The following PTPRJ variants were observed in gnomAD, a reference collection of about 807,000 sequenced individuals.
PTPRJ encodes receptor-type tyrosine-protein phosphatase eta.
Under a neutral mutation model 141.3 loss-of-function variants are expected in PTPRJ, and 129 were observed. That is an observed-to-expected ratio of 0.91 (90% CI 0.79 to 1.06). The LOEUF (loss-of-function observed/expected upper bound fraction) is 1.06, where lower values mean the gene tolerates loss of function less well. PTPRJ is among the 50% of genes least tolerant of loss of function. The probability of loss-of-function intolerance (pLI) is 0.00; values close to 1 mark genes in which losing one functional copy is unlikely to be tolerated. For missense variants in PTPRJ, 1,601 were observed against 1,679.7 expected, an observed-to-expected ratio of 0.95 and a Z score of 0.82; for synonymous variants, 610 against 640.5, an observed-to-expected ratio of 0.95 and a Z score of 0.72.
chr11:48,165,495 T>G (rs891473657), intron 24 of PTPRJ, among the ~76,000 whole-genome samples: 3 of 152,240 alleles, frequency 2.0e-5, no homozygotes, highest in African/African-American at 7.2e-5. Context: ...GGGTGAATGT[T>G]CCTTGACCAG....
At chr11:48,064,929 C>G (rs774044736) in intron 1 of PTPRJ, among the ~76,000 whole-genome samples, 1 of 150,014 alleles carries the variant, frequency 6.7e-6, no homozygotes, top group Non-Finnish European at 1.5e-5. Context: ...CTCTGAGCTG[C>G]AAATTTAATA....
chr11:48,146,314 C>T (rs1167240886), intron 14 of PTPRJ, among the ~76,000 whole-genome samples: 1 of 152,188 alleles, frequency 6.6e-6, no homozygotes, highest in Non-Finnish European at 1.5e-5. Flanking sequence ...AGGGGTGCAT[C>T]CCCTACCTTC....
intron 1 of PTPRJ, among the ~76,000 whole-genome samples, chr11:48,035,999 G>T (rs1405565373): frequency 6.6e-6 from 1 of 152,214 alleles, no homozygotes; most frequent in African/African-American, 2.4e-5. Context: ...ATAGGACAGT[G>T]GGAGAAGGGG....
chr11:48,153,406 C>T (rs539386086), intron 18 of PTPRJ, among the ~76,000 whole-genome samples: 119 of 139,238 alleles, frequency 8.5e-4, no homozygotes, highest in African/African-American at 3.0e-3. Flanking sequence ...TGGTGGTGGG[C>T]GTCTGTAGTC....
intron 1 of PTPRJ, among the ~76,000 whole-genome samples, chr11:48,052,479 G>A (rs976958471): frequency 1.3e-5 from 2 of 152,202 alleles, no homozygotes. Flanking sequence ...CCAGCCTTGG[G>A]TTAGTGCCAG....
At chr11:48,002,118 G>A (rs969479902) in intron 1 of PTPRJ, among the ~76,000 whole-genome samples, 1 of 150,330 alleles carries the variant, frequency 6.7e-6, no homozygotes, top group Non-Finnish European at 1.5e-5. Context: ...GGGCAAATGA[G>A]TGCATTTTCC....
chr11:48,060,433 G>C (rs1168997221), intron 1 of PTPRJ, among the ~76,000 whole-genome samples: 4 of 151,090 alleles, frequency 2.6e-5, no homozygotes, highest in African/African-American at 9.7e-5. Context: ...TTTTTCTAAA[G>C]ATCCAAACTC....
intron 1 of PTPRJ, among the ~76,000 whole-genome samples, chr11:47,985,941 T>C (rs1249338452): frequency 2.6e-5 from 4 of 152,106 alleles, no homozygotes; most frequent in African/African-American, 9.7e-5. Context: ...CCTCAGGTGA[T>C]CCGCCCACCT....
intron 1 of PTPRJ, among the ~76,000 whole-genome samples, chr11:48,040,612 CTTTT>C (rs398055231): frequency 7.4e-6 from 1 of 135,404 alleles, no homozygotes; most frequent in Non-Finnish European, 1.6e-5. Flanking sequence ...TCTTCTTCTT[CTTTT>C]TTTTTTTTTT....
intron 1 of PTPRJ, among the ~76,000 whole-genome samples, chr11:48,027,297 G>A (rs1010424797): frequency 1.3e-5 from 2 of 151,212 alleles, no homozygotes; most frequent in South Asian, 2.1e-4. Context: ...ATGAGCCACC[G>A]CGCCCGGCCC....
intron 1 of PTPRJ, among the ~76,000 whole-genome samples, chr11:48,087,588 G>T (rs1855749533): frequency 6.6e-6 from 1 of 152,178 alleles, no homozygotes; most frequent in African/African-American, 2.4e-5. Flanking sequence ...AGAACTTCAG[G>T]CTCAGAGAAG....
intron 22 of PTPRJ, among the ~76,000 whole-genome samples, chr11:48,161,148 T>C (rs1375274497): frequency 1.8e-5 from 2 of 111,532 alleles, no homozygotes; most frequent in African/African-American, 7.0e-5. Context: ...ACTGCTGCAC[T>C]CTAGCCTGGG....
intron 10 of PTPRJ, among the ~76,000 whole-genome samples, chr11:48,138,397 G>C (rs1857153336): frequency 6.6e-6 from 1 of 152,232 alleles, no homozygotes; most frequent in African/African-American, 2.4e-5. Flanking sequence ...TGGAACAGGA[G>C]CTGTAAAAGT....
chr11:48,139,359 C>A, intron 10 of PTPRJ, 127 bp from the exon 11 acceptor site: 1 of 987,380 alleles, frequency 1.0e-6, no homozygotes, highest in Non-Finnish European at 1.5e-6. Flanking sequence ...AATTTAGGGT[C>A]AGCCCCTGCC....
chr11:48,160,778 T>C (rs1857750506), intron 22 of PTPRJ, among the ~76,000 whole-genome samples: 2 of 152,162 alleles, frequency 1.3e-5, no homozygotes, highest in Admixed American at 6.5e-5. Context: ...TTATTTATAA[T>C]AGAGGAAAAC....
At chr11:48,057,955 A>G (rs1312684316) in intron 1 of PTPRJ, among the ~76,000 whole-genome samples, 1 of 149,806 alleles carries the variant, frequency 6.7e-6, no homozygotes, top group Non-Finnish European at 1.5e-5. Context: ...TCTGTCACCC[A>G]GGCTGGAGTG....
At chr11:48,036,891 A>G (rs182742328) in intron 1 of PTPRJ, among the ~76,000 whole-genome samples, 59 of 152,230 alleles carry the variant, frequency 3.9e-4, no homozygotes, top group African/African-American at 1.4e-3. Context: ...TTTGCTCCAG[A>G]ATTGTATTTC....
At position 48,169,661 on chromosome 11, in the gene PTPRJ, A is replaced by G. The variant is rs1858009066; in HGVS notation, c.*2299A>G. On this transcript the variant is annotated 3_prime_UTR_variant, in exon 25 of 25. Transcript: ENST00000418331. ...CCTGCTCTGCCCACATCACTGCCACAGAGAAGTCAGAGGAAGGGACTTGTT... is the reference window on the plus strand; with the variant it reads ...CCTGCTCTGCCCACATCACTGCCACGGAGAAGTCAGAGGAAGGGACTTGTT... 1 of 152,284 alleles carries G rather than the reference A, an allele frequency of 6.6e-6. No individual in the cohort carries two copies. The highest frequency in any genetic ancestry group is 2.4e-5 in the African/African-American group (1 of 41,468). 9.4% of individuals were successfully genotyped at this position (152,284 alleles called of 1,614,324 possible). A position where few individuals can be genotyped will look rare whatever the true frequency, so the allele number is the denominator to read the frequency against.
In PTPRJ at chr11:48,020,343, T is replaced by C. The variant is rs557064211; in HGVS notation, c.96+39335T>C. On this transcript the variant is annotated intron_variant, in intron 1 of 24. Transcript: ENST00000418331. ...GAGTCAGTTATCTCAGCTGGTGTTA[T>C]GAAATACGGAAATTTTTGGCGTTGG... 4.6e-4 allele frequency among the ~76,000 whole-genome samples: 70 copies of C among 152,326 alleles called. 1 individual carries two copies. The South Asian group carries it at 0.014, about 30-fold the overall frequency.
Sources: allele counts gnomAD v4.1 joint callset (sites outside exome capture counted in the v4.1 genomes callset), GRCh38; gene constraint gnomAD v4.1.1; transcripts MANE v1.5; gene names NCBI Gene and HGNC (gene_info 2026-07-23, HGNC 2026-07-21).